The following PPP2R3B variants were observed in gnomAD, a reference collection of about 807,000 sequenced individuals.
PPP2R3B encodes protein phosphatase 2 regulatory subunit B''beta.
PPP2R3B carries 68 observed loss-of-function variants against 72.9 expected under a neutral mutation model. The ratio of observed to expected loss-of-function variants is 0.93; its 90% CI spans 0.77 to 1.14. PPP2R3B has a LOEUF of 1.14. Among genes scored for constraint, PPP2R3B ranks in the 50% most tolerant of loss-of-function variants. PPP2R3B has a pLI of 0.00. For synonymous variants in PPP2R3B, 466 were observed against 375.8 expected (o/e 1.24, Z -2.78); for missense variants, 1,018 against 842.0 (o/e 1.21, Z -2.59).
In PPP2R3B at chrX:346,272, C is replaced by T. The variant is rs779899565; in HGVS notation, c.793-12G>A. 22 of 1,558,934 alleles carry T rather than the reference C, an allele frequency of 1.4e-5. No homozygotes were observed. Among genetic ancestry groups the T allele is most frequent in the Non-Finnish European group, 1.9e-5 (22 of 1,153,464 alleles). On this transcript the variant is annotated splice_polypyrimidine_tract_variant and intron_variant, in intron 5 of 12. Coordinates refer to ENST00000390665, the MANE Select transcript of PPP2R3B (RefSeq NM_013239.5). ...ATCCGCTGGATGACCTGCGGGGGCG[C>T]TGTCAGTGCGGTGGGTGCGCAGAGA...
Position 346,684 on chromosome X carries a change from C to T in PPP2R3B, c.792+17G>A. ...CGCCCCGCGCTGGAACCGACGGCCC[C>T]TCCGCTGGGGACCCACCGTGGTGAT... On this transcript the variant is annotated intron_variant, in intron 5 of 12. Coordinates refer to ENST00000390665, the MANE Select transcript of PPP2R3B (RefSeq NM_013239.5). The T allele has an allele frequency of 6.3e-7, 1 of 1,599,344 alleles. No individual in the cohort carries two copies. The highest frequency in any genetic ancestry group is 8.5e-7 in the Non-Finnish European group (1 of 1,170,986).
intron 1 of PPP2R3B, among the ~76,000 whole-genome samples, chrX:366,569 G>A (rs192185825): frequency 4.6e-4 from 2 of 4,312 alleles, no homozygotes; most frequent in Non-Finnish European, 3.9e-4. Context: ...GTGGTGGAGG[G>A]TGCCTGTACT....
intron 1 of PPP2R3B, chrX:373,621 CG>C: frequency 3.4e-6 from 1 of 290,882 alleles, no homozygotes; most frequent in South Asian, 2.7e-5. Context: ...TGGCGCAGGT[CG>C]GGGTCCTGGC....
At chrX:334,627 C>G in intron 12 of PPP2R3B, 110 bp from the exon 13 acceptor site, 1 of 1,228,588 alleles carries the variant, frequency 8.1e-7, no homozygotes, top group African/African-American at 1.6e-5. Context: ...GAGACAGTCC[C>G]CTGAGCCGAC....
At chrX:382,124 T>C (rs1031296031) in intron 1 of PPP2R3B, among the ~76,000 whole-genome samples, 1 of 151,602 alleles carries the variant, frequency 6.6e-6, no homozygotes, top group African/African-American at 2.4e-5. Context: ...TCCACACGCA[T>C]CCTTCCTTCT....
chrX:364,237 C>G (rs1281433445), intron 1 of PPP2R3B, among the ~76,000 whole-genome samples: 1 of 152,198 alleles, frequency 6.6e-6, no homozygotes, highest in African/African-American at 2.4e-5. Context: ...GCGCCTCCGG[C>G]CCCAGGAATG....
In PPP2R3B at chrX:363,846, C is replaced by T. The variant is rs187922629; in HGVS notation, c.325-2256G>A. ...GCTATTTGGGGTACGGAACTGACCC[C>T]GCGAATATTCTGCAGTGAGCTCTCG... On this transcript the variant is annotated intron_variant, in intron 1 of 12. Coordinates refer to ENST00000390665, the MANE Select transcript of PPP2R3B (RefSeq NM_013239.5). Among the ~76,000 whole-genome samples the T allele has an allele frequency of 1.5e-4, 23 of 152,358 alleles. No individual in the cohort carries two copies. In the East Asian group the frequency reaches 2.7e-3, roughly 18 times the overall value.
intron 10 of PPP2R3B, among the ~76,000 whole-genome samples, 156 bp from the exon 11 acceptor site, chrX:339,052 G>C (rs902139960): frequency 6.6e-6 from 1 of 152,138 alleles, no homozygotes; most frequent in Non-Finnish European, 1.5e-5. Context: ...GGACACGCGA[G>C]TGTCCTGGTT....
chrX:363,344 C>A (rs1399214028), intron 1 of PPP2R3B, among the ~76,000 whole-genome samples: 1 of 1,934 alleles, frequency 5.2e-4, no homozygotes. Context: ...CCGAGCCCAC[C>A]ATCCCGCAGT....
chrX:384,036 G>A (rs749081414), intron 1 of PPP2R3B, among the ~76,000 whole-genome samples: 1 of 151,890 alleles, frequency 6.6e-6, no homozygotes, highest in African/African-American at 2.4e-5. Flanking sequence ...ACAAGACCAA[G>A]GGCCACCTGA....
intron 1 of PPP2R3B, among the ~76,000 whole-genome samples, chrX:379,343 T>C (rs1213255150): frequency 6.6e-6 from 1 of 151,122 alleles, no homozygotes; most frequent in Admixed American, 6.6e-5. Context: ...GCACCTGTTA[T>C]GCACCTGTGT....
chrX:382,738 A>C (rs1222562564), intron 1 of PPP2R3B, among the ~76,000 whole-genome samples: 1 of 152,192 alleles, frequency 6.6e-6, no homozygotes, highest in African/African-American at 2.4e-5. Context: ...ACCTTCCGTC[A>C]ATATTCCCAG....
chrX:364,418 C>T (rs1040483842), intron 1 of PPP2R3B, among the ~76,000 whole-genome samples: 222 of 148,604 alleles, frequency 1.5e-3, no homozygotes, highest in Middle Eastern at 0.014. Flanking sequence ...GCAATCCTGG[C>T]GCTTTGAAAG....
intron 7 of PPP2R3B, 109 bp downstream of exon 7, chrX:345,407 G>T: frequency 7.0e-7 from 1 of 1,427,398 alleles, no homozygotes; most frequent in Non-Finnish European, 9.6e-7. Flanking sequence ...GGCAGCTGCA[G>T]ACACAGAGCT....
chrX:339,273 G>GGA (rs1556105578), intron 10 of PPP2R3B, among the ~76,000 whole-genome samples: 2 of 9,594 alleles, frequency 2.1e-4, no homozygotes, highest in East Asian at 8.4e-3. Context: ...CCCCATGGCC[G>GGA]GGGGGGGCAG....
chrX:373,282 C>G (rs2071906526), intron 1 of PPP2R3B, among the ~76,000 whole-genome samples: 1 of 152,242 alleles, frequency 6.6e-6, no homozygotes, highest in Non-Finnish European at 1.5e-5. Flanking sequence ...CTTTTCAAAG[C>G]CCGGTTTTCC....
chrX:347,402 G>T, intron 3 of PPP2R3B, 66 bp from the exon 4 acceptor site: 1 of 1,475,414 alleles, frequency 6.8e-7, no homozygotes, highest in Non-Finnish European at 9.5e-7. Context: ...GCAGACGCAG[G>T]GTGGAACACG....
intron 9 of PPP2R3B, 122 bp from the exon 10 acceptor site, chrX:341,062 G>T: frequency 7.3e-7 from 1 of 1,373,338 alleles, no homozygotes; most frequent in Non-Finnish European, 9.9e-7. Flanking sequence ...GCCCCCACCG[G>T]GCGTGCAGGC....
chrX:342,272 C>T (rs1286042551), intron 7 of PPP2R3B: 4 of 469,654 alleles, frequency 8.5e-6, no homozygotes, highest in Non-Finnish European at 1.2e-5. Context: ...CACGTTTCAA[C>T]CAAAGGTTCA....
Sources: gnomAD v4.1 joint callset for allele counts (sites outside exome capture counted in the v4.1 genomes callset) on GRCh38, gnomAD v4.1.1 for gene constraint, MANE v1.5 for transcripts, NCBI Gene and HGNC (gene_info 2026-07-23, HGNC 2026-07-21) for gene names.